The following MAF variants were observed in gnomAD, a reference collection of about 807,000 sequenced individuals.
The protein encoded by MAF is MAF bZIP transcription factor.
A neutral mutation model predicts 22.0 loss-of-function variants in MAF; 10 were observed. That is an observed-to-expected ratio of 0.45 (90% CI 0.28 to 0.77). MAF has a LOEUF of 0.77. Ranked by LOEUF, MAF falls within the 30% of genes least tolerant of loss-of-function variation. The probability of loss-of-function intolerance (pLI) is 0.12; values close to 1 mark genes in which losing one functional copy is unlikely to be tolerated. For missense variants in MAF, 544 were observed against 548.4 expected (o/e 0.99, Z 0.08); for synonymous variants, 337 against 255.8 (o/e 1.32, Z -3.03).
At chr16:79,335,053 C>T in the MAF span, among the ~76,000 whole-genome samples, 128 of 151,672 alleles carry the variant, frequency 8.4e-4, no homozygotes, top group African/African-American at 2.9e-3. Context: ...GGCATGGTGG[C>T]GTGTGCCTGT....
chr16:79,548,960 A>T, the MAF span, among the ~76,000 whole-genome samples: 1 of 152,164 alleles, frequency 6.6e-6, no homozygotes, highest in African/African-American at 2.4e-5. Context: ...TGGGATGATG[A>T]CATCTTCTAC....
the MAF span, among the ~76,000 whole-genome samples, chr16:79,573,420 G>T: frequency 6.6e-6 from 1 of 152,124 alleles, no homozygotes; most frequent in African/African-American, 2.4e-5. Flanking sequence ...TTTACAAAAT[G>T]GTTACACCCC....
chr16:79,216,685 C>G, the MAF span, among the ~76,000 whole-genome samples: 2 of 151,964 alleles, frequency 1.3e-5, no homozygotes, highest in Non-Finnish European at 1.5e-5. Context: ...GCATTTTTGA[C>G]TTATATTTTC....
chr16:79,445,542 G>T, the MAF span, among the ~76,000 whole-genome samples: 1 of 152,218 alleles, frequency 6.6e-6, no homozygotes, highest in Admixed American at 6.5e-5. Flanking sequence ...CCAGAGTTCA[G>T]GTGCTAACCC....
chr16:79,250,372 T>G, the MAF span, among the ~76,000 whole-genome samples: 1 of 152,330 alleles, frequency 6.6e-6, no homozygotes, highest in African/African-American at 2.4e-5. Flanking sequence ...CAAACTGACC[T>G]CTCCGCAACT....
the MAF span, among the ~76,000 whole-genome samples, chr16:79,341,229 T>C: frequency 6.6e-6 from 1 of 152,186 alleles, no homozygotes; most frequent in South Asian, 2.1e-4. Context: ...GACAATGTAG[T>C]GTGGGTAGGT....
chr16:79,456,115 C>T, the MAF span, among the ~76,000 whole-genome samples: 99 of 152,292 alleles, frequency 6.5e-4, no homozygotes, highest in Non-Finnish European at 1.1e-3. Flanking sequence ...GAGTTAAACG[C>T]TGCCCATGTC....
chr16:79,512,644 A>C, the MAF span, among the ~76,000 whole-genome samples: 34 of 152,328 alleles, frequency 2.2e-4, 1 homozygote, highest in African/African-American at 7.9e-4. Context: ...TGTGCCGTTT[A>C]TGAAAACAAC....
At chr16:79,491,670 C>G in the MAF span, among the ~76,000 whole-genome samples, 5,611 of 152,244 alleles carry the variant, frequency 0.037, 368 homozygotes, top group African/African-American at 0.13. Flanking sequence ...AAAAAATATT[C>G]TGCTCCAGAC....
chr16:79,250,416 A>G, the MAF span, among the ~76,000 whole-genome samples: 84 of 152,352 alleles, frequency 5.5e-4, 3 homozygotes, highest in East Asian at 0.015. Context: ...GACTGCGGAG[A>G]GGTCATCTCA....
chr16:79,374,125 G>A, the MAF span, among the ~76,000 whole-genome samples: 1 of 152,134 alleles, frequency 6.6e-6, no homozygotes, highest in African/African-American at 2.4e-5. Flanking sequence ...ACATGTAGAA[G>A]GTACCCTGGG....
chr16:79,387,514 TC>T, the MAF span, among the ~76,000 whole-genome samples: 1 of 152,208 alleles, frequency 6.6e-6, no homozygotes, highest in Non-Finnish European at 1.5e-5. Context: ...GGTTCATCCT[TC>T]TACATGAATA....
chr16:79,309,484 T>G, the MAF span, among the ~76,000 whole-genome samples: 1 of 152,198 alleles, frequency 6.6e-6, no homozygotes, highest in East Asian at 1.9e-4. Flanking sequence ...AAGTTGGTTT[T>G]TATATGTAAA....
chr16:79,245,875 C>T, the MAF span, among the ~76,000 whole-genome samples: 2 of 151,966 alleles, frequency 1.3e-5, no homozygotes, highest in Non-Finnish European at 2.9e-5. Flanking sequence ...TACTATGCAG[C>T]CATAAAAAAG....
At chr16:79,253,142 A>G in the MAF span, among the ~76,000 whole-genome samples, 1 of 152,222 alleles carries the variant, frequency 6.6e-6, no homozygotes, top group South Asian at 2.1e-4. Context: ...TTGACCTTCA[A>G]ATAGCTGTGA....
At chr16:79,489,124 C>T in the MAF span, among the ~76,000 whole-genome samples, 2 of 152,034 alleles carry the variant, frequency 1.3e-5, no homozygotes, top group South Asian at 2.1e-4. Flanking sequence ...TCCACTTACC[C>T]ATCCATCCAC....
chr16:79,421,598 C>T, the MAF span, among the ~76,000 whole-genome samples: 14 of 151,196 alleles, frequency 9.3e-5, no homozygotes, highest in Admixed American at 5.9e-4. Flanking sequence ...TAAACCAGGC[C>T]GGAGAAAAGG....
chr16:79,574,160 T>A, the MAF span, among the ~76,000 whole-genome samples: 1 of 152,174 alleles, frequency 6.6e-6, no homozygotes, highest in Non-Finnish European at 1.5e-5. Flanking sequence ...GAGTGAAGAG[T>A]GCCTTTGGAG....
chr16:79,230,113 A>G, the MAF span, among the ~76,000 whole-genome samples: 2 of 152,172 alleles, frequency 1.3e-5, no homozygotes, highest in African/African-American at 4.8e-5. Flanking sequence ...AAACACATAC[A>G]TGCTGAGTGA....
Sources: allele counts gnomAD v4.1 joint callset (sites outside exome capture counted in the v4.1 genomes callset), GRCh38; gene constraint gnomAD v4.1.1; transcripts MANE v1.5; gene names NCBI Gene and HGNC (gene_info 2026-07-23, HGNC 2026-07-21).